Variants in NEXN observed in about 807,000 individuals in gnomAD.
The protein encoded by NEXN is nexilin.
Under a neutral mutation model 92.6 loss-of-function variants are expected in NEXN, and 65 were observed. That is an observed-to-expected ratio of 0.70 (90% CI 0.57 to 0.86). The LOEUF is 0.86. Ranked by LOEUF, NEXN falls within the 40% of genes least tolerant of loss-of-function variation. NEXN has a pLI of 0.00. For missense variants in NEXN, 778 were observed against 771.1 expected, an observed-to-expected ratio of 1.01 and a Z score of -0.11; for synonymous variants, 254 against 242.5, an observed-to-expected ratio of 1.05 and a Z score of -0.44.
At chr1:77,901,162 G>A (rs1647674909) in intron 1 of NEXN, among the ~76,000 whole-genome samples, 1 of 152,102 alleles carries the variant, frequency 6.6e-6, no homozygotes, top group Admixed American at 6.6e-5. Flanking sequence ...CCATTTAGGG[G>A]TCCATAAAGT....
intron 10 of NEXN, among the ~76,000 whole-genome samples, chr1:77,934,813 T>G (rs1780051): frequency 6.6e-6 from 1 of 152,378 alleles, no homozygotes; most frequent in African/African-American, 2.4e-5. Context: ...TGCTATGGCA[T>G]GTTTGGCAGG....
At position 77,918,234 on chromosome 1, in the gene NEXN, G is replaced by C; in HGVS notation, c.408G>C (p.Lys136Asn). The C allele has an allele frequency of 6.2e-7, 1 of 1,614,130 alleles. No homozygotes were observed. Among genetic ancestry groups the C allele is most frequent in the Non-Finnish European group, 8.5e-7 (1 of 1,180,000 alleles). Residue 136 changes from lysine (K) to asparagine (N), a missense_variant, in exon 5 of 13, where the codon AAG becomes AAC. Lys to Asn is a moderately conservative substitution (Grantham distance 94). Around this residue, in one of 3 missense-constraint regions of NEXN, gnomAD observed 236 missense variants for 265.6 expected, o/e 0.89. Transcript: ENST00000334785. ...GAATTGAGCAGGATATGTTAGAAAA[G>C]AGGAAAATACAGCGTGAATTAGCAA... ...KRRIEQDMLE[K>N]RKIQRELAKR... is the part of the protein sequence containing the mutation.
intron 5 of NEXN, among the ~76,000 whole-genome samples, 173 bp from the exon 6 acceptor site, chr1:77,925,015 A>ATTTATAT (rs2102118929): frequency 6.6e-6 from 1 of 152,358 alleles, no homozygotes; most frequent in East Asian, 1.9e-4. Flanking sequence ...TCAATATGCA[A>ATTTATAT]CAATAAATAT....
At chr1:77,899,274 AT>A (rs1647494753) in intron 1 of NEXN, among the ~76,000 whole-genome samples, 1 of 151,882 alleles carries the variant, frequency 6.6e-6, no homozygotes, top group Admixed American at 6.6e-5. Context: ...TCCAACAATG[AT>A]AGACTGGATT....
At chr1:77,925,390 C>G (rs1649764722) in intron 6 of NEXN, among the ~76,000 whole-genome samples, 161 bp downstream of exon 6, 1 of 152,090 alleles carries the variant, frequency 6.6e-6, no homozygotes, top group Admixed American at 6.5e-5. Flanking sequence ...TACTTTTGCA[C>G]TTTCAAACAC....
Position 77,929,641 on chromosome 1 carries a change from G to C in NEXN, c.1053+137G>C, listed in dbSNP as rs965941928. 5 of 1,171,712 alleles carry C rather than the reference G, an allele frequency of 4.3e-6. No individual in the cohort carries two copies. In the African/African-American group the frequency reaches 6.1e-5, roughly 14 times the overall value. The allele number at this position is 1,171,712 out of a possible 1,614,324, so 72.6% of individuals were successfully genotyped here. A position where few individuals can be genotyped will look rare whatever the true frequency, so the allele number is the denominator to read the frequency against. On this transcript the variant is annotated intron_variant, in intron 9 of 12. Transcript: ENST00000334785. ...GTAGAAATGGCAAATATGTTTTAAAGTCTCCCATGGAATAACACCAGTTGG... is the reference window on the plus strand; with the variant it reads ...GTAGAAATGGCAAATATGTTTTAAACTCTCCCATGGAATAACACCAGTTGG...
chr1:77,926,343 TG>T, intron 6 of NEXN, 70 bp from the exon 7 acceptor site: 1 of 978,088 alleles, frequency 1.0e-6, no homozygotes, highest in Non-Finnish European at 1.6e-6. Flanking sequence ...TCACCTATGA[TG>T]GAGGTAAAGT....
At chr1:77,920,619 TAAAAAAAAAAA>T (rs66533373) in intron 5 of NEXN, among the ~76,000 whole-genome samples, 1 of 67,300 alleles carries the variant, frequency 1.5e-5, no homozygotes, top group African/African-American at 5.4e-5. Context: ...CCCTGTCTCT[TAAAAAAAAAAA>T]AAAAAAAAAA....
At chr1:77,895,029 ATTTTTTTTTTTTTTTT>A (rs559226754) in intron 1 of NEXN, among the ~76,000 whole-genome samples, 11 of 61,630 alleles carry the variant, frequency 1.8e-4, no homozygotes, top group Non-Finnish European at 2.6e-4. Context: ...CTATAGTGTA[ATTTTTTTTTTTTTTTT>A]TTTTTTTTTT....
chr1:77,929,521 C>G lies in NEXN; in HGVS notation c.1053+17C>G. On this transcript the variant is annotated intron_variant, in intron 9 of 12. Coordinates refer to ENST00000334785, the MANE Select transcript of NEXN (RefSeq NM_144573.4). ...AGAAATATGGTAAGACAGAAGCTAA[C>G]TGGAGAATGCTATTAGAATTCACCT... is the stretch of plus-strand genomic sequence containing the variant. 6.2e-7 allele frequency: 1 copy of G among 1,611,446 alleles called. No individual in the cohort carries two copies. The highest frequency in any genetic ancestry group is 8.5e-7 in the Non-Finnish European group (1 of 1,179,582).
At chr1:77,892,062 A>G (rs1166705) in intron 1 of NEXN, among the ~76,000 whole-genome samples, 133,397 of 151,668 alleles carry the variant, frequency 0.88, 58,834 homozygotes, top group Non-Finnish European at 0.9. Flanking sequence ...CAGCCTAAGC[A>G]ACAGAGTGAG....
chr1:77,919,913 T>A (rs904049381), intron 5 of NEXN, among the ~76,000 whole-genome samples: 5 of 151,436 alleles, frequency 3.3e-5, no homozygotes, highest in African/African-American at 1.2e-4. Flanking sequence ...TTTTTTTTTT[T>A]AATTGAGACG....
chr1:77,918,324 G>A (rs1649149412), intron 5 of NEXN, 51 bp downstream of exon 5: 1 of 1,558,764 alleles, frequency 6.4e-7, no homozygotes, highest in Non-Finnish European at 8.8e-7. Context: ...ACTGTGCAAA[G>A]TAAAACTAAT....
At chr1:77,920,250 C>A (rs1254552338) in intron 5 of NEXN, among the ~76,000 whole-genome samples, 2 of 152,138 alleles carry the variant, frequency 1.3e-5, no homozygotes, top group Non-Finnish European at 2.9e-5. Flanking sequence ...TAATTAAGTA[C>A]ATTTTCCACT....
intron 1 of NEXN, among the ~76,000 whole-genome samples, chr1:77,895,041 T>G (rs1647197568): frequency 1.2e-5 from 1 of 85,462 alleles, no homozygotes; most frequent in Non-Finnish European, 2.4e-5. Context: ...TTTTTTTTTT[T>G]TTTTTTTTTT....
chr1:77,892,061 C>T (rs565805833), intron 1 of NEXN, among the ~76,000 whole-genome samples: 5 of 151,076 alleles, frequency 3.3e-5, no homozygotes, highest in East Asian at 3.9e-4. Context: ...CCAGCCTAAG[C>T]AACAGAGTGA....
chr1:77,920,052 C>A (rs1649301593), intron 5 of NEXN, among the ~76,000 whole-genome samples: 1 of 151,982 alleles, frequency 6.6e-6, no homozygotes, highest in South Asian at 2.1e-4. Flanking sequence ...GCACATGCCA[C>A]CACTCCCAGC....
chr1:77,934,860 G>T (rs1211375432), intron 10 of NEXN, among the ~76,000 whole-genome samples: 1 of 152,128 alleles, frequency 6.6e-6, no homozygotes, highest in Non-Finnish European at 1.5e-5. Context: ...TTATAACCTA[G>T]GAACCAGAAA....
intron 8 of NEXN, among the ~76,000 whole-genome samples, chr1:77,927,473 T>C (rs554475412): frequency 6.6e-6 from 1 of 152,324 alleles, no homozygotes; most frequent in East Asian, 1.9e-4. Context: ...AAGTGTAAAC[T>C]TGTCCTCAGC....
Sources: allele counts gnomAD v4.1 joint callset (sites outside exome capture counted in the v4.1 genomes callset), GRCh38; gene constraint gnomAD v4.1.1; regional missense constraint gnomAD v4.1.1; transcripts MANE v1.5; gene names NCBI Gene and HGNC (gene_info 2026-07-23, HGNC 2026-07-21).